The following KIF4A variants were observed in gnomAD, a reference collection of about 807,000 sequenced individuals.
KIF4A encodes the protein chromosome-associated kinesin KIF4A.
Under a neutral mutation model 105.9 loss-of-function variants are expected in KIF4A, and 7 were observed. The observed-to-expected ratio is 0.07, with a 90% CI of 0.04 to 0.12. The LOEUF (loss-of-function observed/expected upper bound fraction) is 0.12, where lower values mean the gene tolerates loss of function less well. Among genes scored for constraint, KIF4A ranks in the 10% least tolerant of loss-of-function variants. The probability of loss-of-function intolerance (pLI) is 1.00; values close to 1 mark genes in which losing one functional copy is unlikely to be tolerated. For missense variants in KIF4A, 558 were observed against 929.2 expected (o/e 0.60, Z 5.19); for synonymous variants, 281 against 331.3 (o/e 0.85, Z 1.65).
chrX:70,396,267 G>T (rs758727130), intron 22 of KIF4A: 27 of 291,714 alleles, frequency 9.3e-5, no homozygotes, highest in African/African-American at 7.1e-4. Flanking sequence ...TCATGTTAGA[G>T]ATCTAAAATT....
At chrX:70,348,357 G>GT (rs957887645) in intron 13 of KIF4A, among the ~76,000 whole-genome samples, 119 of 110,904 alleles carry the variant, frequency 1.1e-3, no homozygotes, top group African/African-American at 3.0e-3. Flanking sequence ...TTGTTTTTTT[G>GT]TTTTTTTTAG....
chrX:70,364,219 T>C (rs1015115805), intron 15 of KIF4A, among the ~76,000 whole-genome samples: 1 of 112,112 alleles, frequency 8.9e-6, no homozygotes, highest in Non-Finnish European at 1.9e-5. Flanking sequence ...TAATTTCTTT[T>C]GCTGTGCAGA....
At chrX:70,300,727 C>A (rs965052672) in intron 5 of KIF4A, among the ~76,000 whole-genome samples, 1 of 111,429 alleles carries the variant, frequency 9.0e-6, no homozygotes, top group African/African-American at 3.3e-5. Context: ...CTACTTTTAC[C>A]AAGTTTTTAT....
chrX:70,344,649 T>C (rs2085985244), intron 13 of KIF4A, among the ~76,000 whole-genome samples: 1 of 111,708 alleles, frequency 9.0e-6, no homozygotes, highest in South Asian at 3.8e-4. Flanking sequence ...TAAGTGGTAA[T>C]GGTTGGTTTT....
intron 3 of KIF4A, among the ~76,000 whole-genome samples, chrX:70,291,770 C>G (rs980066627): frequency 1.8e-5 from 2 of 111,640 alleles, no homozygotes; most frequent in Non-Finnish European, 3.8e-5. Context: ...CTGCCAGTGT[C>G]TAAAATTTTT....
At chrX:70,301,112 T>C (rs746238787) in intron 5 of KIF4A, among the ~76,000 whole-genome samples, 1 of 111,523 alleles carries the variant, frequency 9.0e-6, no homozygotes, top group South Asian at 3.8e-4. Context: ...ATGTGAGTTT[T>C]TGAGAATATG....
intron 7 of KIF4A, among the ~76,000 whole-genome samples, chrX:70,316,126 C>T (rs2085868330): frequency 8.9e-6 from 1 of 111,846 alleles, no homozygotes; most frequent in African/African-American, 3.3e-5. Flanking sequence ...AACTTACTAT[C>T]TTCCCAAAAT....
intron 28 of KIF4A, among the ~76,000 whole-genome samples, chrX:70,407,496 C>T (rs997615166): frequency 3.6e-5 from 4 of 111,414 alleles, no homozygotes; most frequent in Non-Finnish European, 7.5e-5. Flanking sequence ...GTGTTGGCCC[C>T]ATACCCTTTA....
rs1602823679 is a variant in KIF4A, at chrX:70,420,320, C to T, written c.*55C>T. On this transcript the variant is annotated 3_prime_UTR_variant, in exon 31 of 31. Coordinates refer to ENST00000374403, the MANE Select transcript of KIF4A (RefSeq NM_012310.5). ...TGGCTTGGGAGATGCTTTCAGGTTGCAGCCAGAAGGGGTTTTTTAAATGAC... is the reference window on the plus strand; with the variant it reads ...TGGCTTGGGAGATGCTTTCAGGTTGTAGCCAGAAGGGGTTTTTTAAATGAC... 3 of 1,134,814 alleles carry T rather than the reference C, an allele frequency of 2.6e-6. No individual in the cohort carries two copies. Among genetic ancestry groups the T allele is most frequent in the East Asian group, 6.1e-5 (2 of 32,871 alleles). 93.5% of individuals were successfully genotyped at this position (1,134,814 alleles called of 1,213,427 possible). A position where few individuals can be genotyped will look rare whatever the true frequency, so the allele number is the denominator to read the frequency against.
At chrX:70,299,600 CAT>C (rs1242243974) in intron 5 of KIF4A, among the ~76,000 whole-genome samples, 1 of 111,622 alleles carries the variant, frequency 9.0e-6, no homozygotes, top group African/African-American at 3.3e-5. Context: ...TCGATAGCTA[CAT>C]ATGGCTAGTG....
intron 10 of KIF4A, among the ~76,000 whole-genome samples, chrX:70,338,953 C>T (rs1190820633): frequency 1.8e-5 from 2 of 109,256 alleles, no homozygotes; most frequent in African/African-American, 3.3e-5. Flanking sequence ...GGTGTGGTGG[C>T]GGGCATCTGT....
Position 70,324,886 on chromosome X carries a change from A to G in KIF4A, c.779-4519A>G, listed in dbSNP as rs543725512. 2.1e-3 allele frequency among the ~76,000 whole-genome samples: 235 copies of G among 111,628 alleles called. 1 individual carries two copies. The highest frequency in any genetic ancestry group is 7.2e-3 in the African/African-American group (221 of 30,746). On this transcript the variant is annotated intron_variant, in intron 7 of 30. Transcript: ENST00000374403. The stretch of plus-strand genomic sequence containing the variant: ...AGCCTCAACCTCCTGGGCTGAAGCC[A>G]TCCTCGCACCTCAGCCTCCCGAGTA...
At chrX:70,409,375 G>A (rs974440989) in intron 28 of KIF4A, among the ~76,000 whole-genome samples, 13 of 111,711 alleles carry the variant, frequency 1.2e-4, no homozygotes, top group African/African-American at 3.3e-4. Flanking sequence ...GGGGCAGAGC[G>A]TGTCTCTTTC....
rs2086152068 is a variant in KIF4A, at chrX:70,373,533, TATATATATATATATATATATATAC to T, written c.1675-617_1675-594del. Reference sequence around the variant, plus strand: ...ATACATGTGTGTGTATGTATATATATATATATATATATATATATATATACGTATATATATACATATATACGTGTA... The same window carrying T: ...ATACATGTGTGTGTATGTATATATATGTATATATATACATATATACGTGTA... On this transcript the variant is annotated intron_variant, in intron 15 of 30. Coordinates refer to ENST00000374403, the MANE Select transcript of KIF4A (RefSeq NM_012310.5). Among the ~76,000 whole-genome samples, 6 of 28,736 alleles carry T rather than the reference TATATATATATATATATATATATAC, an allele frequency of 2.1e-4. 2 individuals carry two copies. Among genetic ancestry groups the T allele is most frequent in the Non-Finnish European group, 3.0e-4 (6 of 19,843 alleles). 25.0% of individuals were successfully genotyped at this position (28,736 alleles called of 115,157 possible).
At chrX:70,305,549 A>G (rs1396930858) in intron 7 of KIF4A, among the ~76,000 whole-genome samples, 1 of 112,338 alleles carries the variant, frequency 8.9e-6, no homozygotes, top group Non-Finnish European at 1.9e-5. Flanking sequence ...ATTGCCAAAC[A>G]ATCTTCCATT....
chrX:70,418,822 C>T (rs1360807353), intron 29 of KIF4A, among the ~76,000 whole-genome samples: 2 of 112,042 alleles, frequency 1.8e-5, no homozygotes, highest in Non-Finnish European at 3.8e-5. Context: ...CGGTGGCTCA[C>T]GCCTGTAATC....
At chrX:70,388,565 G>A (rs1410276836) in intron 20 of KIF4A, among the ~76,000 whole-genome samples, 3 of 111,740 alleles carry the variant, frequency 2.7e-5, no homozygotes, top group African/African-American at 9.7e-5. Context: ...AGTATGGTCA[G>A]TCTTTTGAAT....
intron 7 of KIF4A, among the ~76,000 whole-genome samples, chrX:70,305,455 G>A (rs1414321033): frequency 8.9e-6 from 1 of 111,915 alleles, no homozygotes; most frequent in Non-Finnish European, 1.9e-5. Context: ...ACAATATGTG[G>A]TCTTTTGTGA....
intron 15 of KIF4A, among the ~76,000 whole-genome samples, chrX:70,365,321 A>G (rs868733085): frequency 3.3e-4 from 37 of 111,679 alleles, no homozygotes; most frequent in Middle Eastern, 4.6e-3. Flanking sequence ...GTCTTGTGCC[A>G]GTTTTCAAAG....
Sources: allele counts gnomAD v4.1 joint callset (sites outside exome capture counted in the v4.1 genomes callset), GRCh38; gene constraint gnomAD v4.1.1; transcripts MANE v1.5; gene names NCBI Gene and HGNC (gene_info 2026-07-23, HGNC 2026-07-21).